UGGT2: variants seen among roughly 807,000 people sequenced by gnomAD.
The protein encoded by UGGT2 is UDP-glucose glycoprotein glucosyltransferase 2.
In UGGT2, 180 loss-of-function variants were observed where a neutral mutation model predicts 192.1. That is an observed-to-expected ratio of 0.94 (90% confidence interval 0.83 to 1.06). The LOEUF (loss-of-function observed/expected upper bound fraction) is 1.06. Ranked by LOEUF, UGGT2 falls within the 50% of genes least tolerant of loss-of-function variation. The pLI, the probability that UGGT2 is intolerant of heterozygous loss-of-function variation, is 0.00. For synonymous variants in UGGT2, 580 were observed against 591.0 expected, an observed-to-expected ratio of 0.98 and a Z score of 0.27; for missense variants, 1,849 against 1,795.7, an observed-to-expected ratio of 1.03 and a Z score of -0.54.
chr13:95,817,556 G>A (rs1218146416), intron 38 of UGGT2, among the ~76,000 whole-genome samples: 1 of 152,064 alleles, frequency 6.6e-6, no homozygotes, highest in Non-Finnish European at 1.5e-5. Context: ...ATTCCAGCTT[G>A]GGCAACAGAG....
At chr13:95,900,464 C>G (rs1407123361) in intron 22 of UGGT2, among the ~76,000 whole-genome samples, 1 of 152,150 alleles carries the variant, frequency 6.6e-6, no homozygotes, top group African/African-American at 2.4e-5. Context: ...TCATAACCTA[C>G]TTGCTACACC....
chr13:96,013,515 A>C (rs768829902), intron 4 of UGGT2, 34 bp from the exon 5 acceptor site: 34 of 1,435,130 alleles, frequency 2.4e-5, no homozygotes, highest in Non-Finnish European at 3.1e-5. Context: ...GTTTTGAAAA[A>C]ACTGAAAGTT....
At chr13:95,885,751 G>C (rs1836590297) in intron 26 of UGGT2, among the ~76,000 whole-genome samples, 1 of 152,202 alleles carries the variant, frequency 6.6e-6, no homozygotes, top group South Asian at 2.1e-4. Context: ...ACAAATTCTT[G>C]CTGCAGTGGA....
In UGGT2 at chr13:95,809,956, G is replaced by A. The variant is rs531762135; in HGVS notation, c.4529-8144C>T. Among the ~76,000 whole-genome samples the A allele has an allele frequency of 2.0e-5, 3 of 152,262 alleles. No individual in the cohort carries two copies. In the East Asian group the frequency reaches 5.8e-4, roughly 29 times the overall value. ...CATAAAAGCTGCATTTTTAATATGA[G>A]ATAAATAGGTATTTTGCAAGAATTA... On this transcript the variant is annotated intron_variant, in intron 38 of 38. Transcript: ENST00000376747.
chr13:95,932,040 T>G lies in UGGT2; in HGVS notation c.1978-4704A>C, dbSNP rs542285747. On this transcript the variant is annotated intron_variant, in intron 17 of 38. Coordinates refer to ENST00000376747, the MANE Select transcript of UGGT2 (RefSeq NM_020121.4). ...CTTTTTCTTGGAATTGCCTTGGCTA[T>G]TTGGGCTCTTTTCTGGTTCCATATT... Among the ~76,000 whole-genome samples the G allele has an allele frequency of 1.4e-4, 22 of 152,354 alleles. No individual in the cohort carries two copies. In the East Asian group the frequency reaches 4.1e-3, roughly 28 times the overall value.
At chr13:95,916,734 A>T (rs2048692728) in intron 20 of UGGT2, among the ~76,000 whole-genome samples, 1 of 152,214 alleles carries the variant, frequency 6.6e-6, no homozygotes, top group Non-Finnish European at 1.5e-5. Context: ...TGAAAAACAC[A>T]ACATAAGAAC....
At chr13:95,959,145 T>C (rs1212333773) in intron 12 of UGGT2, among the ~76,000 whole-genome samples, 1 of 152,160 alleles carries the variant, frequency 6.6e-6, no homozygotes, top group Non-Finnish European at 1.5e-5. Context: ...CATTCCCTGC[T>C]AGGGCCAAGG....
chr13:95,812,942 T>C (rs745897697), intron 38 of UGGT2, among the ~76,000 whole-genome samples: 66 of 152,154 alleles, frequency 4.3e-4, no homozygotes, highest in Non-Finnish European at 8.4e-4. Flanking sequence ...ACTATACATT[T>C]TGATCGGTGA....
At chr13:95,971,303 T>G (rs1038770316) in intron 11 of UGGT2, among the ~76,000 whole-genome samples, 2 of 152,198 alleles carry the variant, frequency 1.3e-5, no homozygotes, top group Admixed American at 6.5e-5. Context: ...TTTCCTTATT[T>G]TCTTCCATTC....
At chr13:95,904,049 T>C (rs1477801779) in intron 20 of UGGT2, among the ~76,000 whole-genome samples, 1 of 152,166 alleles carries the variant, frequency 6.6e-6, no homozygotes, top group African/African-American at 2.4e-5. Flanking sequence ...TTATCTTTTT[T>C]GGCCCCTGAC....
chr13:96,039,751 C>G (rs1365303053), intron 1 of UGGT2, among the ~76,000 whole-genome samples: 1 of 152,164 alleles, frequency 6.6e-6, no homozygotes, highest in Non-Finnish European at 1.5e-5. Context: ...TCCAAGTTCA[C>G]CAGTTTCAAG....
Position 96,051,783 on chromosome 13 carries a change from C to T in UGGT2, c.158+1372G>A, listed in dbSNP as rs2053493694. Among the ~76,000 whole-genome samples the T allele has an allele frequency of 2.0e-5, 3 of 152,180 alleles. No individual in the cohort carries two copies. In the South Asian group the frequency reaches 6.2e-4, roughly 32 times the overall value. On this transcript the variant is annotated intron_variant, in intron 1 of 38. Transcript: ENST00000376747. ...AATCAAAACCACAATGCGATACCAC[C>T]TTACTCCTGCAAGAATGGCCATAAT...
chr13:95,834,943 C>T (rs908867957), intron 37 of UGGT2, among the ~76,000 whole-genome samples: 21 of 151,928 alleles, frequency 1.4e-4, no homozygotes, highest in African/African-American at 5.1e-4. Context: ...TAGAAAAATA[C>T]TAAATTTTTC....
Position 95,990,061 on chromosome 13 carries a change from T to G in UGGT2, c.843A>C (p.Ser281=). The change falls in exon 8 of 39, where the codon TCA becomes TCC. Residue 281 remains serine (S), a synonymous_variant. Coordinates refer to ENST00000376747, the MANE Select transcript of UGGT2 (RefSeq NM_020121.4). The stretch of plus-strand genomic sequence containing the variant: ...ATGCTGTCAGATTATCTCTAAGATC[T>G]GAATATATTTCTCTGCATCAAAATA... ...FLFGKLKEIY[S]DLRDNLTAFQ... 9 of 1,595,316 alleles carry G rather than the reference T, an allele frequency of 5.6e-6. No individual in the cohort carries two copies. The highest frequency in any genetic ancestry group is 7.7e-6 in the Non-Finnish European group (9 of 1,170,094).
chr13:95,858,000 T>G (rs1377617672), intron 33 of UGGT2, among the ~76,000 whole-genome samples: 5 of 34,112 alleles, frequency 1.5e-4, no homozygotes, highest in East Asian at 2.0e-3. Context: ...TCTTTTTCTG[T>G]TTTTTTTTTT....
At chr13:95,851,045 T>A (rs2140019775) in intron 36 of UGGT2, among the ~76,000 whole-genome samples, 1 of 152,296 alleles carries the variant, frequency 6.6e-6, no homozygotes, top group African/African-American at 2.4e-5. Context: ...TCAACTGAGG[T>A]CTTAATTGAA....
chr13:95,915,082 A>T (rs773311350), intron 20 of UGGT2, among the ~76,000 whole-genome samples: 22 of 152,130 alleles, frequency 1.4e-4, no homozygotes, highest in Non-Finnish European at 2.6e-4. Context: ...GCTGTGTTCT[A>T]GCCATACACT....
At chr13:95,884,400 A>G (rs1444215122) in intron 27 of UGGT2, 91 bp downstream of exon 27, 1 of 999,658 alleles carries the variant, frequency 1.0e-6, no homozygotes, top group African/African-American at 1.6e-5. Flanking sequence ...GTAAACATTC[A>G]TAGTATGATT....
At chr13:95,887,423 A>C in intron 26 of UGGT2, 1 of 403,852 alleles carries the variant, frequency 2.5e-6, no homozygotes, top group South Asian at 1.9e-5. Context: ...TCAACAGAAG[A>C]GTGTTAATGA....
Sources: allele counts gnomAD v4.1 joint callset (sites outside exome capture counted in the v4.1 genomes callset), GRCh38; gene constraint gnomAD v4.1.1; transcripts MANE v1.5; gene names NCBI Gene and HGNC (gene_info 2026-07-23, HGNC 2026-07-21).